PRKCE: variants seen among roughly 807,000 people sequenced by gnomAD.
PRKCE encodes the protein protein kinase C epsilon type.
In PRKCE, 16 loss-of-function variants were observed where a neutral mutation model predicts 85.4. That is an observed-to-expected ratio of 0.19 (90% CI 0.13 to 0.28). PRKCE has a LOEUF of 0.28. Ranked by LOEUF, PRKCE falls within the 10% of genes least tolerant of loss-of-function variation. The pLI is 1.00. For synonymous variants in PRKCE, 388 were observed against 371.5 expected (o/e 1.04, Z -0.51); for missense variants, 573 against 975.2 (o/e 0.59, Z 5.49).
At chr2:45,970,068 A>T (rs1429912926) in intron 2 of PRKCE, among the ~76,000 whole-genome samples, 1 of 152,222 alleles carries the variant, frequency 6.6e-6, no homozygotes, top group Non-Finnish European at 1.5e-5. Flanking sequence ...ATTCCTAAGG[A>T]GTTGCCGAAT....
intron 2 of PRKCE, among the ~76,000 whole-genome samples, chr2:45,926,322 A>G (rs190662493): frequency 6.6e-6 from 1 of 152,334 alleles, no homozygotes; most frequent in East Asian, 1.9e-4. Flanking sequence ...CAACTGCCAT[A>G]CATAACCACT....
chr2:45,794,539 C>T (rs1687271820), intron 1 of PRKCE, among the ~76,000 whole-genome samples: 1 of 152,108 alleles, frequency 6.6e-6, no homozygotes, highest in South Asian at 2.1e-4. Flanking sequence ...GCACGGCTTT[C>T]TGTGGTTTCA....
chr2:46,050,295 G>A (rs773327093), intron 10 of PRKCE, among the ~76,000 whole-genome samples: 7 of 152,240 alleles, frequency 4.6e-5, no homozygotes, highest in African/African-American at 7.2e-5. Context: ...AAGTAAACAG[G>A]CTTCCTTCTA....
At chr2:46,015,414 T>G (rs1009673086) in intron 10 of PRKCE, among the ~76,000 whole-genome samples, 2 of 152,130 alleles carry the variant, frequency 1.3e-5, no homozygotes, top group African/African-American at 2.4e-5. Flanking sequence ...CCCCCACCCT[T>G]TGGCATTTCC....
chr2:46,116,746 G>A (rs980602396), intron 11 of PRKCE, among the ~76,000 whole-genome samples: 18 of 67,170 alleles, frequency 2.7e-4, no homozygotes, highest in African/African-American at 6.9e-4. Flanking sequence ...TGCCTGTTCG[G>A]AGAAAAAAAA....
At chr2:45,670,402 G>A (rs867187712) in intron 1 of PRKCE, among the ~76,000 whole-genome samples, 12 of 152,144 alleles carry the variant, frequency 7.9e-5, no homozygotes, top group African/African-American at 2.2e-4. Flanking sequence ...AATCAATTGC[G>A]TGGATCTCTA....
At chr2:45,718,736 T>C (rs1164575989) in intron 1 of PRKCE, among the ~76,000 whole-genome samples, 1 of 152,168 alleles carries the variant, frequency 6.6e-6, no homozygotes, top group Non-Finnish European at 1.5e-5. Flanking sequence ...TGCTAACCTG[T>C]TATAGCTCTG....
At chr2:45,982,501 C>T (rs58799355) in intron 5 of PRKCE, among the ~76,000 whole-genome samples, 44,276 of 152,056 alleles carry the variant, frequency 0.29, 6,960 homozygotes, top group Middle Eastern at 0.44. Context: ...CCTGCCTGCA[C>T]TTCCAGGTGT....
intron 10 of PRKCE, among the ~76,000 whole-genome samples, chr2:46,030,656 A>G (rs1707451251): frequency 6.6e-6 from 1 of 152,196 alleles, no homozygotes; most frequent in Non-Finnish European, 1.5e-5. Context: ...CTCTGAAATT[A>G]ATGTCTCTTA....
chr2:45,856,972 A>G (rs535176058), intron 2 of PRKCE, among the ~76,000 whole-genome samples: 4 of 152,226 alleles, frequency 2.6e-5, no homozygotes, highest in Non-Finnish European at 5.9e-5. Context: ...ATTTAGGTTG[A>G]TTCCATATCT....
At chr2:45,834,544 C>A (rs756324411) in intron 1 of PRKCE, among the ~76,000 whole-genome samples, 1 of 152,092 alleles carries the variant, frequency 6.6e-6, no homozygotes, top group Admixed American at 6.5e-5. Context: ...ATTAAGACTC[C>A]TTCTGGAGAT....
chr2:46,022,431 G>T (rs1253567627), intron 10 of PRKCE, among the ~76,000 whole-genome samples: 1 of 152,142 alleles, frequency 6.6e-6, no homozygotes, highest in Admixed American at 6.5e-5. Context: ...TCAGTGAACA[G>T]TCCTTCTGTT....
chr2:46,031,276 T>A (rs997362945), intron 10 of PRKCE, among the ~76,000 whole-genome samples: 6 of 152,222 alleles, frequency 3.9e-5, no homozygotes, highest in South Asian at 2.1e-4. Flanking sequence ...CTCAGCCTGC[T>A]GTCTTCGATC....
intron 10 of PRKCE, among the ~76,000 whole-genome samples, chr2:46,036,404 C>G (rs1330060538): frequency 6.6e-6 from 1 of 152,006 alleles, no homozygotes; most frequent in Non-Finnish European, 1.5e-5. Flanking sequence ...TAGTGAGACC[C>G]CTATTTCCAC....
intron 13 of PRKCE, among the ~76,000 whole-genome samples, chr2:46,156,411 C>T (rs1290125430): frequency 2.6e-5 from 4 of 152,206 alleles, no homozygotes; most frequent in African/African-American, 9.6e-5. Flanking sequence ...CTGGCAGTTA[C>T]GTGTTTCTTC....
chr2:46,169,941 C>G (rs1175468618), intron 14 of PRKCE, among the ~76,000 whole-genome samples: 3 of 152,204 alleles, frequency 2.0e-5, no homozygotes, highest in Non-Finnish European at 2.9e-5. Context: ...CTGTGAGATG[C>G]TGAGAAATTC....
chr2:45,870,788 G>T (rs1694031448), intron 2 of PRKCE, among the ~76,000 whole-genome samples: 1 of 152,228 alleles, frequency 6.6e-6, no homozygotes, highest in Non-Finnish European at 1.5e-5. Context: ...TCACTTGTGA[G>T]TGGGGGTGCT....
At chr2:46,036,995 G>A (rs1043368753) in intron 10 of PRKCE, among the ~76,000 whole-genome samples, 1 of 152,194 alleles carries the variant, frequency 6.6e-6, no homozygotes, top group Non-Finnish European at 1.5e-5. Flanking sequence ...ACTCTCAGAA[G>A]CTCCCAGCAG....
At position 45,652,939 on chromosome 2, in the gene PRKCE, T is replaced by A. The variant is rs1397172198; in HGVS notation, c.348+491T>A. On this transcript the variant is annotated intron_variant, in intron 1 of 14. Coordinates refer to ENST00000306156, the MANE Select transcript of PRKCE (RefSeq NM_005400.3). This position sits in a 1 kb window ranked among gnomAD's most constrained non-coding sequence, Gnocchi z 7.7. Reference sequence around the variant, plus strand: ...TCCCTCCGAGAGGAAGCTGGCTTGTTTCTATTCTCTTGCATGGTGGTTAGC... The same window carrying A: ...TCCCTCCGAGAGGAAGCTGGCTTGTATCTATTCTCTTGCATGGTGGTTAGC... 6.6e-6 allele frequency among the ~76,000 whole-genome samples: 1 copy of A among 152,054 alleles called. No individual in the cohort carries two copies. Among genetic ancestry groups the A allele is most frequent in the African/African-American group, 2.4e-5 (1 of 41,366 alleles).
Sources: gnomAD v4.1 joint callset for allele counts (sites outside exome capture counted in the v4.1 genomes callset) on GRCh38, gnomAD v4.1.1 for gene constraint, Gnocchi (gnomAD v3.1) non-coding constraint, MANE v1.5 for transcripts, NCBI Gene and HGNC (gene_info 2026-07-23, HGNC 2026-07-21) for gene names.